Variants in TRAPPC10 observed in about 807,000 individuals in gnomAD.
The protein encoded by TRAPPC10 is TRAPP 130 kDa subunit.
Under a neutral mutation model 125.5 loss-of-function variants are expected in TRAPPC10, and 23 were observed. The ratio of observed to expected loss-of-function variants is 0.18; its 90% CI spans 0.13 to 0.26. The LOEUF (loss-of-function observed/expected upper bound fraction) is 0.26. Among genes scored for constraint, TRAPPC10 ranks in the 10% least tolerant of loss-of-function variants. The pLI, the probability that TRAPPC10 is intolerant of heterozygous loss-of-function variation, is 1.00. For missense variants in TRAPPC10, 1,123 were observed against 1,308.4 expected (o/e 0.86, Z 2.19); for synonymous variants, 509 against 518.0 (o/e 0.98, Z 0.24).
At chr21:44,025,942 C>T (rs746575429) in intron 1 of TRAPPC10, among the ~76,000 whole-genome samples, 5 of 150,798 alleles carry the variant, frequency 3.3e-5, no homozygotes, top group African/African-American at 7.3e-5. Context: ...ATGGGTATAA[C>T]GTTAAGCCGG....
At chr21:44,056,893 A>G (rs906927137) in intron 5 of TRAPPC10, among the ~76,000 whole-genome samples, 5 of 152,220 alleles carry the variant, frequency 3.3e-5, no homozygotes, top group South Asian at 2.1e-4. Context: ...TACCACGGTC[A>G]TATAAGATGG....
At chr21:44,089,531 A>G (rs1317997229) in intron 17 of TRAPPC10, 1 of 497,850 alleles carries the variant, frequency 2.0e-6, no homozygotes, top group East Asian at 5.7e-5. Flanking sequence ...GTATGGGAGC[A>G]GCAGGTGGGT....
intron 2 of TRAPPC10, among the ~76,000 whole-genome samples, chr21:44,034,288 T>G (rs1601601989): frequency 1.3e-5 from 2 of 151,878 alleles, no homozygotes; most frequent in Non-Finnish European, 2.9e-5. Context: ...GGGTCCCCAC[T>G]CCTGTCTGTA....
Position 44,074,403 on chromosome 21 carries a change from G to A in TRAPPC10, c.1118G>A (p.Cys373Tyr). 6.2e-7 allele frequency: 1 copy of A among 1,614,226 alleles called. No homozygotes were observed. Among genetic ancestry groups the A allele is most frequent in the Non-Finnish European group, 8.5e-7 (1 of 1,180,036 alleles). Residue 373 changes from cysteine to tyrosine, a missense_variant, in exon 8 of 23, where the codon TGT (cysteine) becomes TAT (tyrosine). Cys to Tyr is a radical substitution (Grantham distance 194). This residue lies in a region of TRAPPC10 where 840 missense variants were observed against 902.0 expected (regional missense o/e 0.93). Transcript: ENST00000291574. ...GTGTTGCAGAGGATAGAAGGCTGCT[G>A]TGACCGGGCACAGATCGACTCAAAC... ...LEVLQRIEGC[C>Y]DRAQIDSNIA...
At position 44,082,025 on chromosome 21, in the gene TRAPPC10, A is replaced by G. The variant is rs959842287; in HGVS notation, c.1724-763A>G. 1.3e-5 allele frequency among the ~76,000 whole-genome samples: 2 copies of G among 152,132 alleles called. No individual in the cohort carries two copies. Among genetic ancestry groups the G allele is most frequent in the Admixed American group, 6.5e-5 (1 of 15,278 alleles). On this transcript the variant is annotated intron_variant, in intron 13 of 22. Transcript: ENST00000291574. This position sits in a 1 kb window ranked among gnomAD's most constrained non-coding sequence, Gnocchi z 4.4. ...GCTGCTTTGTATTTGAGACTATTTG[A>G]GTTGTGATGTTCCTGCCAACGTTCC...
chr21:44,056,038 C>A, intron 5 of TRAPPC10, 145 bp downstream of exon 5: 1 of 669,102 alleles, frequency 1.5e-6, no homozygotes. Flanking sequence ...CCTGGAATAT[C>A]TTTAGGACTA....
intron 1 of TRAPPC10, among the ~76,000 whole-genome samples, chr21:44,021,611 CAT>C (rs2032509984): frequency 6.6e-6 from 1 of 152,122 alleles, no homozygotes; most frequent in Non-Finnish European, 1.5e-5. Context: ...AAATCTCAGA[CAT>C]ATAATTTATC....
intron 1 of TRAPPC10, among the ~76,000 whole-genome samples, chr21:44,024,806 T>C (rs997704418): frequency 1.3e-5 from 2 of 152,226 alleles, no homozygotes; most frequent in Non-Finnish European, 2.9e-5. Context: ...AAAGAAGCCT[T>C]GTGTATGTTC....
At chr21:44,071,315 G>C (rs994931133) in intron 7 of TRAPPC10, among the ~76,000 whole-genome samples, 2 of 152,152 alleles carry the variant, frequency 1.3e-5, no homozygotes, top group African/African-American at 4.8e-5. Context: ...AAAAATCATC[G>C]ACCTCTAAAT....
intron 2 of TRAPPC10, among the ~76,000 whole-genome samples, chr21:44,033,604 T>G (rs1261486904): frequency 2.0e-5 from 3 of 152,216 alleles, no homozygotes; most frequent in Non-Finnish European, 4.4e-5. Flanking sequence ...CTCACGCCTG[T>G]CATCCAGACA....
At chr21:44,067,451 G>T (rs377693544) in intron 7 of TRAPPC10, among the ~76,000 whole-genome samples, 1 of 152,290 alleles carries the variant, frequency 6.6e-6, no homozygotes, top group South Asian at 2.1e-4. Flanking sequence ...CCATGAGGGG[G>T]AGGAGCTGGA....
chr21:44,068,263 G>T (rs1464999435), intron 7 of TRAPPC10, among the ~76,000 whole-genome samples: 1 of 152,208 alleles, frequency 6.6e-6, no homozygotes, highest in Non-Finnish European at 1.5e-5. Context: ...TAAGGAATGA[G>T]TAGGGGGAGT....
intron 14 of TRAPPC10, among the ~76,000 whole-genome samples, chr21:44,083,603 C>T (rs952364653): frequency 1.2e-4 from 19 of 152,178 alleles, no homozygotes; most frequent in African/African-American, 4.6e-4. Context: ...TATGAAAATA[C>T]ACACCCTCAT....
At chr21:44,048,516 C>G (rs2035011902) in intron 3 of TRAPPC10, among the ~76,000 whole-genome samples, 1 of 152,116 alleles carries the variant, frequency 6.6e-6, no homozygotes, top group Non-Finnish European at 1.5e-5. Flanking sequence ...GTTTTTGAGA[C>G]AGAGTCTTGC....
At position 44,059,153 on chromosome 21, in the gene TRAPPC10, G is replaced by A; in HGVS notation, c.729G>A (p.Leu243=). The A allele has an allele frequency of 6.2e-7, 1 of 1,611,664 alleles. No individual in the cohort carries two copies. Among genetic ancestry groups the A allele is most frequent in the Non-Finnish European group, 8.5e-7 (1 of 1,179,050 alleles). The change falls in exon 6 of 23, where the codon CTG becomes CTA. Residue 243 remains leucine, a synonymous_variant. Transcript: ENST00000291574. The surrounding 1 kb of genome is among the most constrained non-coding windows in gnomAD (Gnocchi z 4.4). ...TGCTGCAGCAGTTCGAGGACGCCCT[G>A]GTGCAGTACGACGAACTGGACGCCC... ...FEMLQQFEDA[L]VQYDELDALF... is the part of the protein sequence containing the mutation.
At chr21:44,014,618 A>G (rs2147101384) in intron 1 of TRAPPC10, among the ~76,000 whole-genome samples, 1 of 148,352 alleles carries the variant, frequency 6.7e-6, no homozygotes, top group East Asian at 2.0e-4. Flanking sequence ...CAGTAGAGAC[A>G]GAGTTTCACC....
At chr21:44,090,081 A>AT in intron 18 of TRAPPC10, 148 bp downstream of exon 18, 1 of 602,060 alleles carries the variant, frequency 1.7e-6, no homozygotes. Context: ...AAAATCCACA[A>AT]TTCCCTGGTG....
chr21:44,049,768 G>A (rs7281778), intron 3 of TRAPPC10, among the ~76,000 whole-genome samples: 51,070 of 152,078 alleles, frequency 0.34, 11,180 homozygotes, highest in African/African-American at 0.63. Context: ...GGCTGCTGCT[G>A]CCTCTGTCTT....
intron 1 of TRAPPC10, 150 bp downstream of exon 1, chr21:44,012,710 G>C: frequency 1.5e-6 from 1 of 661,798 alleles, no homozygotes; most frequent in Non-Finnish European, 2.4e-6. Context: ...GGCTGAGGCG[G>C]GGCCCTCTGA....
Sources: allele counts gnomAD v4.1 joint callset (sites outside exome capture counted in the v4.1 genomes callset), GRCh38; gene constraint gnomAD v4.1.1; regional missense constraint gnomAD v4.1.1; non-coding constraint Gnocchi (gnomAD v3.1); transcripts MANE v1.5; gene names NCBI Gene and HGNC (gene_info 2026-07-23, HGNC 2026-07-21).